Variants in OSBPL10 observed in about 807,000 individuals in gnomAD.
OSBPL10 encodes oxysterol-binding protein-related protein 10.
Under a neutral mutation model 81.7 loss-of-function variants are expected in OSBPL10, and 49 were observed. That is an observed-to-expected ratio of 0.60 (90% CI 0.48 to 0.76). The LOEUF is 0.76. OSBPL10 is among the 30% of genes least tolerant of loss of function. OSBPL10 has a pLI of 0.00. For missense variants in OSBPL10, 923 were observed against 987.8 expected (o/e 0.93, Z 0.88); for synonymous variants, 419 against 383.6 (o/e 1.09, Z -1.08).
intron 1 of OSBPL10, among the ~76,000 whole-genome samples, chr3:32,070,078 C>G (rs1255552382): frequency 6.6e-6 from 1 of 152,234 alleles, no homozygotes; most frequent in Admixed American, 6.5e-5. Context: ...TGAAGACTGA[C>G]TCTGCCTGAT....
intron 1 of OSBPL10, among the ~76,000 whole-genome samples, chr3:32,074,257 C>T (rs1044461090): frequency 1.3e-5 from 2 of 152,108 alleles, no homozygotes; most frequent in African/African-American, 2.4e-5. Context: ...CACACTTCTC[C>T]GCATCTACTT....
At chr3:31,682,240 A>G (rs1700669407) in intron 8 of OSBPL10, among the ~76,000 whole-genome samples, 2 of 152,328 alleles carry the variant, frequency 1.3e-5, no homozygotes, top group East Asian at 3.9e-4. Context: ...TGTTTTCAAC[A>G]AACGGCTGGA....
intron 1 of OSBPL10, among the ~76,000 whole-genome samples, chr3:32,048,592 C>A (rs1487035419): frequency 1.3e-5 from 2 of 152,164 alleles, no homozygotes; most frequent in Non-Finnish European, 2.9e-5. Flanking sequence ...CAGGCGTTAG[C>A]CACCATGCCC....
At chr3:31,936,644 T>G (rs1295696728) in intron 1 of OSBPL10, among the ~76,000 whole-genome samples, 1 of 152,218 alleles carries the variant, frequency 6.6e-6, no homozygotes, top group Non-Finnish European at 1.5e-5. Flanking sequence ...AGTCAGTGGT[T>G]GTCTGTTTTG....
chr3:31,882,184 C>T (rs1695600097), intron 1 of OSBPL10, among the ~76,000 whole-genome samples: 1 of 152,192 alleles, frequency 6.6e-6, no homozygotes, highest in Non-Finnish European at 1.5e-5. Flanking sequence ...TGGCAGTCCT[C>T]CAAAGCTCCA....
chr3:31,964,482 A>G (rs1449208693), intron 1 of OSBPL10, among the ~76,000 whole-genome samples: 1 of 152,236 alleles, frequency 6.6e-6, no homozygotes. Flanking sequence ...ATGGGTAAGC[A>G]GTGGTCTCAG....
chr3:31,852,795 T>C (rs1575583577), intron 3 of OSBPL10, among the ~76,000 whole-genome samples: 1 of 152,026 alleles, frequency 6.6e-6, no homozygotes, highest in Admixed American at 6.5e-5. Flanking sequence ...GCCAGGCTGG[T>C]CTTGAACTCC....
chr3:31,861,124 G>A (rs908364594), intron 3 of OSBPL10, among the ~76,000 whole-genome samples: 1 of 152,096 alleles, frequency 6.6e-6, no homozygotes. Flanking sequence ...AGAAATCACA[G>A]ATTTAGAATA....
chr3:31,895,134 CTTT>C (rs10529845), intron 1 of OSBPL10, among the ~76,000 whole-genome samples: 25 of 124,868 alleles, frequency 2.0e-4, no homozygotes, highest in African/African-American at 4.4e-4. Flanking sequence ...TCTCTGCGGC[CTTT>C]TTTTTTTTTT....
chr3:32,028,627 A>G (rs1457804027), intron 2 of OSBPL10, among the ~76,000 whole-genome samples: 2 of 152,190 alleles, frequency 1.3e-5, no homozygotes, highest in Non-Finnish European at 2.9e-5. Flanking sequence ...AAATGTTACA[A>G]AGAGGTGGGT....
intron 4 of OSBPL10, among the ~76,000 whole-genome samples, chr3:31,812,219 A>T (rs1458163435): frequency 6.6e-6 from 1 of 151,924 alleles, no homozygotes; most frequent in Non-Finnish European, 1.5e-5. Context: ...TTTAGTAGTG[A>T]CGGGATTTTG....
At chr3:31,976,199 AACAG>A (rs1374070521) in intron 1 of OSBPL10, among the ~76,000 whole-genome samples, 1 of 152,202 alleles carries the variant, frequency 6.6e-6, no homozygotes, top group African/African-American at 2.4e-5. Context: ...CCTACTTAAA[AACAG>A]ACAAATTGAA....
chr3:32,026,820 C>G (rs550254769), intron 2 of OSBPL10, among the ~76,000 whole-genome samples: 6 of 152,128 alleles, frequency 3.9e-5, no homozygotes, highest in Non-Finnish European at 8.8e-5. Context: ...CTGCAGTTCC[C>G]CATAGAGCCC....
rs183066252 is a variant in OSBPL10, at chr3:32,057,594, T to G, written n.186-10991A>C. Among the ~76,000 whole-genome samples the G allele has an allele frequency of 2.0e-4, 30 of 152,260 alleles. 1 individual carries two copies. The highest frequency in any genetic ancestry group is 1.7e-3 in the Admixed American group (26 of 15,286). ...TGCCAAGCGAAGTGGGAAGAGCCCT[T>G]TATAAAACCATCAGATCTCATGAGA... On this transcript the variant is annotated intron_variant and non_coding_transcript_variant, in intron 1 of 3. Coordinates refer to the OSBPL10 transcript ENST00000479173.
At position 31,772,317 on chromosome 3, in the gene OSBPL10, G is replaced by A. The variant is rs538183764; in HGVS notation, c.730-24197C>T. 2.0e-5 allele frequency among the ~76,000 whole-genome samples: 3 copies of A among 152,242 alleles called. No individual in the cohort carries two copies. The East Asian group carries it at 5.8e-4, about 29-fold the overall frequency. On this transcript the variant is annotated intron_variant, in intron 4 of 11. Coordinates refer to ENST00000396556, the MANE Select transcript of OSBPL10 (RefSeq NM_017784.5). ...TAACCCCTTTCCTTTTTAACATTTAGCAGGTACAGTCAATCCTCATTATTC... is the reference window on the plus strand; with the variant it reads ...TAACCCCTTTCCTTTTTAACATTTAACAGGTACAGTCAATCCTCATTATTC...
rs1358538383 is a variant in OSBPL10 at position 32,065,293 on chromosome 3, T to C, written n.185+12103A>G. 2 of 93,694 alleles carry C rather than the reference T, an allele frequency of 2.1e-5. 1 individual carries two copies. The highest frequency in any genetic ancestry group is 5.0e-4 in the East Asian group (2 of 4,028). 5.8% of individuals were successfully genotyped at this position (93,694 alleles called of 1,614,324 possible). A position where few individuals can be genotyped will look rare whatever the true frequency, so the allele number is the denominator to read the frequency against. ...ACTCAAACTCCACAAAAGCATAGTT[T>C]TGGCATTTTCAGGCTTTCCACTTCT... is the stretch of plus-strand genomic sequence containing the variant. On this transcript the variant is annotated intron_variant and non_coding_transcript_variant, in intron 1 of 3. Transcript: ENST00000479173.
intron 3 of OSBPL10, among the ~76,000 whole-genome samples, chr3:31,860,608 T>C (rs1175893698): frequency 3.3e-5 from 5 of 152,174 alleles, no homozygotes; most frequent in African/African-American, 9.6e-5. Flanking sequence ...AAAAAGTTCA[T>C]GTATGTTCTT....
chr3:31,889,352 C>T (rs978021375), intron 1 of OSBPL10, among the ~76,000 whole-genome samples: 7 of 152,260 alleles, frequency 4.6e-5, no homozygotes, highest in African/African-American at 7.2e-5. Flanking sequence ...TGCACCCCCA[C>T]GTTTAGTGCA....
intron 1 of OSBPL10, among the ~76,000 whole-genome samples, chr3:31,965,847 T>A (rs1698373598): frequency 1.2e-5 from 1 of 85,128 alleles, no homozygotes; most frequent in African/African-American, 6.5e-5. Context: ...ATATATTATA[T>A]AAAAAGATAA....
Sources: gnomAD v4.1 joint callset for allele counts (sites outside exome capture counted in the v4.1 genomes callset) on GRCh38, gnomAD v4.1.1 for gene constraint, MANE v1.5 for transcripts, NCBI Gene and HGNC (gene_info 2026-07-23, HGNC 2026-07-21) for gene names.